The following GALNT2 variants were observed in gnomAD, a reference collection of about 807,000 sequenced individuals.
GALNT2 encodes polypeptide N-acetylgalactosaminyltransferase 2, also known as UDP-GalNAc:polypeptide N-acetylgalactosaminyltransferase 2.
In GALNT2, 31 loss-of-function variants were observed where a neutral mutation model predicts 81.4. The observed-to-expected ratio is 0.38, with a 90% CI of 0.29 to 0.51. The LOEUF (loss-of-function observed/expected upper bound fraction) is 0.51, where lower values mean the gene tolerates loss of function less well. GALNT2 is among the 20% of genes least tolerant of loss of function. The pLI is 0.87. For missense variants in GALNT2, 629 were observed against 765.7 expected, an observed-to-expected ratio of 0.82 and a Z score of 2.11; for synonymous variants, 303 against 287.4, an observed-to-expected ratio of 1.05 and a Z score of -0.55.
At chr1:230,128,965 CA>C (rs1661282341) in intron 1 of GALNT2, among the ~76,000 whole-genome samples, 1 of 152,236 alleles carries the variant, frequency 6.6e-6, no homozygotes, top group African/African-American at 2.4e-5. Context: ...GGATTATCAG[CA>C]ATACTTCCAC....
chr1:230,195,688 G>A (rs1663670725), intron 2 of GALNT2, among the ~76,000 whole-genome samples: 1 of 152,164 alleles, frequency 6.6e-6, no homozygotes, highest in African/African-American at 2.4e-5. Flanking sequence ...AAACAGTAAT[G>A]AAGTATTAGC....
intron 1 of GALNT2, among the ~76,000 whole-genome samples, chr1:230,092,742 T>C (rs984834362): frequency 1.1e-4 from 17 of 152,226 alleles, no homozygotes; most frequent in Non-Finnish European, 2.9e-5. Context: ...AAGCAACATA[T>C]ATCTCTAAAA....
rs777941988 is a variant in GALNT2, at chr1:230,262,961, C to T, written c.1269C>T (p.Cys423=). The T allele has an allele frequency of 1.5e-5, 25 of 1,614,072 alleles. No individual in the cohort carries two copies. The highest frequency in any genetic ancestry group is 1.6e-4 in the Middle Eastern group (1 of 6,084). The change falls in exon 13 of 16, where the codon TGC becomes TGT. Residue 423 remains cysteine (C), a synonymous_variant. Coordinates refer to ENST00000366672, the MANE Select transcript of GALNT2 (RefSeq NM_004481.5). ...TGGAGCTTAGGAAGAAACTCAGCTG[C>T]AAGCCTTTCAAATGGTACCTTGAAA... is the stretch of plus-strand genomic sequence containing the variant. ...SRLELRKKLS[C]KPFKWYLENV...
chr1:230,155,917 G>A (rs1225145834), intron 1 of GALNT2, among the ~76,000 whole-genome samples: 1 of 152,118 alleles, frequency 6.6e-6, no homozygotes, highest in African/African-American at 2.4e-5. Context: ...TTTGCCACAT[G>A]GAGAGGGGAG....
At position 230,113,909 on chromosome 1, in the gene GALNT2, G is replaced by GT. The variant is rs531555694; in HGVS notation, c.126+46513dup. On this transcript the variant is annotated intron_variant, in intron 1 of 15. Transcript: ENST00000366672. ...GGGCAAGTCATTGGATTTGTTTTTT[G>GT]TTTTTTTTTTCAGAATAACGTCAGC... Among the ~76,000 whole-genome samples, 1,016 of 148,270 alleles carry GT rather than the reference G, an allele frequency of 6.9e-3. 3 individuals are homozygous for GT. Among genetic ancestry groups the GT allele is most frequent in the Middle Eastern group, 0.014 (4 of 290 alleles).
At chr1:230,254,166 G>A (rs534060927) in intron 10 of GALNT2, among the ~76,000 whole-genome samples, 28 of 152,178 alleles carry the variant, frequency 1.8e-4, no homozygotes, top group Middle Eastern at 6.8e-3. Flanking sequence ...GCATTCAGTC[G>A]GACCCCTGAC....
intron 1 of GALNT2, among the ~76,000 whole-genome samples, chr1:230,110,903 A>G (rs1660683003): frequency 6.6e-6 from 1 of 152,088 alleles, no homozygotes; most frequent in Non-Finnish European, 1.5e-5. Context: ...AGTTCTGGGG[A>G]AAATGTATGC....
chr1:230,180,675 T>G (rs1205685007), intron 2 of GALNT2, among the ~76,000 whole-genome samples: 1 of 152,240 alleles, frequency 6.6e-6, no homozygotes, highest in African/African-American at 2.4e-5. Context: ...TTGGCTCTAA[T>G]TGCATTGAAT....
chr1:230,116,695 T>C (rs1439053104), intron 1 of GALNT2, among the ~76,000 whole-genome samples: 1 of 152,212 alleles, frequency 6.6e-6, no homozygotes, highest in East Asian at 1.9e-4. Context: ...AGTAGTAGTC[T>C]TTTGACAGGA....
At chr1:230,155,204 A>G (rs868075119) in intron 1 of GALNT2, among the ~76,000 whole-genome samples, 1 of 152,000 alleles carries the variant, frequency 6.6e-6, no homozygotes, top group African/African-American at 2.4e-5. Flanking sequence ...ACATCTGTGG[A>G]GCGGAAGTCC....
At chr1:230,252,980 G>T (rs1488633259) in intron 10 of GALNT2, among the ~76,000 whole-genome samples, 1 of 150,678 alleles carries the variant, frequency 6.6e-6, no homozygotes, top group Admixed American at 6.7e-5. Context: ...CCAAGTAACT[G>T]GGATTACAGG....
At chr1:230,204,825 CTG>C (rs1201958884) in intron 3 of GALNT2, among the ~76,000 whole-genome samples, 1 of 152,206 alleles carries the variant, frequency 6.6e-6, no homozygotes, top group Non-Finnish European at 1.5e-5. Flanking sequence ...ATGTCAGACT[CTG>C]TGCTCGGATC....
At chr1:230,174,534 G>A (rs7523575) in intron 1 of GALNT2, among the ~76,000 whole-genome samples, 27,843 of 151,846 alleles carry the variant, frequency 0.18, 2,969 homozygotes, top group African/African-American at 0.28. Context: ...ATTTCTTCTC[G>A]GTGGACATCA....
intron 1 of GALNT2, among the ~76,000 whole-genome samples, chr1:230,088,677 A>T (rs570828912): frequency 1.6e-4 from 24 of 151,994 alleles, no homozygotes; most frequent in South Asian, 1.0e-3. Context: ...GGCTGGGACT[A>T]TAGGGGCCTG....
chr1:230,136,023 C>A (rs943449607), intron 1 of GALNT2, among the ~76,000 whole-genome samples: 24 of 152,074 alleles, frequency 1.6e-4, no homozygotes, highest in African/African-American at 5.3e-4. Context: ...TTAGTTTTCT[C>A]TTCTGTAAAG....
intron 1 of GALNT2, among the ~76,000 whole-genome samples, chr1:230,106,334 C>G (rs997635662): frequency 2.0e-5 from 3 of 152,170 alleles, no homozygotes; most frequent in Non-Finnish European, 2.9e-5. Context: ...AGATGACAGG[C>G]TTAGTGCCTG....
chr1:230,170,273 C>T (rs1662748691), intron 1 of GALNT2, among the ~76,000 whole-genome samples: 1 of 152,202 alleles, frequency 6.6e-6, no homozygotes, highest in Non-Finnish European at 1.5e-5. Context: ...ATGGCTACTT[C>T]TGCTACATGG....
intron 7 of GALNT2, among the ~76,000 whole-genome samples, chr1:230,244,836 A>G (rs1187217988): frequency 2.0e-5 from 3 of 152,218 alleles, no homozygotes; most frequent in Admixed American, 1.3e-4. Context: ...TGGGTGTTAC[A>G]GAGCTTTGCA....
At chr1:230,072,850 G>C (rs1477780316) in intron 1 of GALNT2, among the ~76,000 whole-genome samples, 2 of 152,332 alleles carry the variant, frequency 1.3e-5, no homozygotes, top group East Asian at 3.9e-4. Context: ...ACCCACTTCT[G>C]TGCCTGTGCC....
Sources: gnomAD v4.1 joint callset for allele counts (sites outside exome capture counted in the v4.1 genomes callset) on GRCh38, gnomAD v4.1.1 for gene constraint, MANE v1.5 for transcripts, NCBI Gene and HGNC (gene_info 2026-07-23, HGNC 2026-07-21) for gene names.